Variants in GAR1 observed in about 807,000 individuals in gnomAD.
The protein encoded by GAR1 is GAR1 ribonucleoprotein.
GAR1 carries 11 observed loss-of-function variants against 29.3 expected under a neutral mutation model. That is an observed-to-expected ratio of 0.38 (90% CI 0.24 to 0.62). GAR1 has a LOEUF of 0.62. GAR1 is among the 20% of genes least tolerant of loss of function. The pLI is 0.62. For synonymous variants in GAR1, 87 were observed against 93.3 expected (o/e 0.93, Z 0.39); for missense variants, 237 against 268.4 (o/e 0.88, Z 0.82).
intron 4 of GAR1, among the ~76,000 whole-genome samples, 192 bp from the exon 5 acceptor site, chr4:109,822,155 T>A (rs1456695009): frequency 1.5e-4 from 15 of 101,638 alleles, no homozygotes; most frequent in African/African-American, 3.0e-4. Context: ...GAACTTAAGG[T>A]AAAAAAAAAA....
chr4:109,822,503 G>GA lies in GAR1; in HGVS notation c.571+19dup. On this transcript the variant is annotated intron_variant, in intron 5 of 6. Transcript: ENST00000226796. ...TGGCAGAGGCGGTAAGTTACTTGGGGAAAATTTCTAATGAAATTAACTGTG... is the reference window on the plus strand; with the variant it reads ...TGGCAGAGGCGGTAAGTTACTTGGGGAAAAATTTCTAATGAAATTAACTGTG... 1 of 1,586,560 alleles carries GA rather than the reference G, an allele frequency of 6.3e-7. No individual in the cohort carries two copies.
rs765943302 is a variant in GAR1, at chr4:109,818,063, T to C, written c.342T>C (p.Asp114=). 10 of 1,605,502 alleles carry C rather than the reference T, an allele frequency of 6.2e-6. No homozygotes were observed. The highest frequency in any genetic ancestry group is 3.4e-5 in the Admixed American group (2 of 58,110). The change falls in exon 3 of 7, where the codon GAT becomes GAC. Residue 114 remains aspartate, a synonymous_variant. Coordinates refer to ENST00000226796, the MANE Select transcript of GAR1 (RefSeq NM_018983.4). ...ACAAAGAACAAATTGGAAAAGTGGA[T>C]GAAATATTTGGACAACTCAGAGATT... ...LENKEQIGKV[D]EIFGQLRDFY...
intron 3 of GAR1, among the ~76,000 whole-genome samples, chr4:109,818,473 TTCTCTCTCTTTC>T (rs1022404093): frequency 2.1e-5 from 3 of 143,578 alleles, no homozygotes; most frequent in Non-Finnish European, 4.4e-5. Flanking sequence ...CTTTCTTTCT[TTCTCTCTCTTTC>T]TCTCTCTCTT....
At chr4:109,820,451 CA>C (rs1560580204) in intron 4 of GAR1, among the ~76,000 whole-genome samples, 1 of 151,744 alleles carries the variant, frequency 6.6e-6, no homozygotes, top group Non-Finnish European at 1.5e-5. Context: ...GTTAAGTATA[CA>C]GACAGTACAT....
chr4:109,824,716 A>G lies in GAR1; in HGVS notation c.*285A>G, dbSNP rs1560581622. On this transcript the variant is annotated 3_prime_UTR_variant, in exon 7 of 7. Coordinates refer to ENST00000226796, the MANE Select transcript of GAR1 (RefSeq NM_018983.4). The stretch of plus-strand genomic sequence containing the variant: ...TTTGAAGCATATTTGAATTTTTAAA[A>G]TAAAGTGTTTTATTCCCTTAAGTTA... 1 of 313,380 alleles carries G rather than the reference A, an allele frequency of 3.2e-6. No homozygotes were observed. The allele number at this position is 313,380 out of a possible 1,614,324, so 19.4% of individuals were successfully genotyped here. A position where few individuals can be genotyped will look rare whatever the true frequency, so the allele number is the denominator to read the frequency against.
At chr4:109,815,690 C>T (rs1024365167), upstream of GAR1, 19 of 164,240 alleles carry the variant, frequency 1.2e-4, no homozygotes, top group Non-Finnish European at 1.9e-4. Flanking sequence ...ATTCAAGTTT[C>T]TGGTCTTTAA....
chr4:109,822,155 T>TAAAAAAAAAAAAAAAAAAAA (rs59097048), intron 4 of GAR1, among the ~76,000 whole-genome samples, 192 bp from the exon 5 acceptor site: 1 of 101,640 alleles, frequency 9.8e-6, no homozygotes. Context: ...GAACTTAAGG[T>TAAAAAAAAAAAAAAAAAAAA]AAAAAAAAAA....
chr4:109,822,138 T>A (rs1426791276), intron 4 of GAR1, among the ~76,000 whole-genome samples: 1 of 132,196 alleles, frequency 7.6e-6, no homozygotes, highest in Non-Finnish European at 1.6e-5. Flanking sequence ...TCTGCACATG[T>A]ATCCCAGAAC....
At chr4:109,823,389 C>T (rs1449817385) in intron 5 of GAR1, among the ~76,000 whole-genome samples, 2 of 152,048 alleles carry the variant, frequency 1.3e-5, no homozygotes, top group African/African-American at 2.4e-5. Flanking sequence ...CTCAGGGGTA[C>T]CTTCTTGAGA....
chr4:109,820,206 G>A (rs1427152332), intron 4 of GAR1, among the ~76,000 whole-genome samples: 1 of 152,108 alleles, frequency 6.6e-6, no homozygotes, highest in Non-Finnish European at 1.5e-5. Flanking sequence ...ATAGGACTTG[G>A]TAATTGACTA....
At chr4:109,816,096 G>A (rs1454450317) in intron 1 of GAR1, 57 bp from the exon 2 acceptor site, 4 of 1,495,150 alleles carry the variant, frequency 2.7e-6, no homozygotes, top group Non-Finnish European at 3.7e-6. Flanking sequence ...CCGAGGGGTT[G>A]GAGTATACTC....
intron 5 of GAR1, among the ~76,000 whole-genome samples, chr4:109,823,250 T>C (rs370979511): frequency 1.1e-4 from 16 of 152,072 alleles, no homozygotes; most frequent in Non-Finnish European, 1.8e-4. Context: ...GAGCTGAAAG[T>C]TGGGCTTGGA....
chr4:109,820,486 G>A (rs993541017), intron 4 of GAR1, among the ~76,000 whole-genome samples: 1 of 151,892 alleles, frequency 6.6e-6, no homozygotes, highest in South Asian at 2.1e-4. Flanking sequence ...AAGAAAGAAT[G>A]AAAGGAAAAG....
intron 2 of GAR1, 106 bp downstream of exon 2, chr4:109,816,484 A>G (rs1177497484): frequency 2.8e-6 from 3 of 1,073,936 alleles, no homozygotes; most frequent in Admixed American, 1.8e-5. Context: ...TGGAGAATGT[A>G]GCATGTAAGG....
upstream of GAR1, chr4:109,815,657 C>CTTT: frequency 1.3e-5 from 2 of 159,836 alleles, no homozygotes; most frequent in Non-Finnish European, 2.8e-5. Context: ...GGGTGATTGG[C>CTTT]TTTTTTTTTT....
intron 4 of GAR1, among the ~76,000 whole-genome samples, chr4:109,820,007 A>C (rs913559015): frequency 5.9e-5 from 9 of 152,220 alleles, no homozygotes; most frequent in Non-Finnish European, 8.8e-5. Context: ...ATGGGATAAC[A>C]CAGTTAAATG....
At chr4:109,824,068 G>C in intron 6 of GAR1, 35 bp downstream of exon 6, 2 of 1,333,930 alleles carry the variant, frequency 1.5e-6, no homozygotes, top group Non-Finnish European at 2.1e-6. Context: ...ATTGCTTAAT[G>C]TTTAAAATTG....
intron 3 of GAR1, among the ~76,000 whole-genome samples, chr4:109,818,506 T>C (rs1403882910): frequency 1.3e-5 from 2 of 151,554 alleles, no homozygotes; most frequent in Non-Finnish European, 2.9e-5. Context: ...TCTTTCTCTC[T>C]CTTGCTCTTT....
chr4:109,817,645 A>G (rs1343446669), intron 2 of GAR1, among the ~76,000 whole-genome samples: 1 of 152,214 alleles, frequency 6.6e-6, no homozygotes, highest in African/African-American at 2.4e-5. Flanking sequence ...TATTCCATTG[A>G]GTGCTTACAT....
Sources: allele counts gnomAD v4.1 joint callset (sites outside exome capture counted in the v4.1 genomes callset), GRCh38; gene constraint gnomAD v4.1.1; transcripts MANE v1.5; gene names NCBI Gene and HGNC (gene_info 2026-07-23, HGNC 2026-07-21).